PIAS2: variants seen among roughly 807,000 people sequenced by gnomAD.
The protein encoded by PIAS2 is E3 SUMO-protein ligase PIAS2.
A neutral mutation model predicts 69.7 loss-of-function variants in PIAS2; 19 were observed. The ratio of observed to expected loss-of-function variants is 0.27; its 90% CI spans 0.19 to 0.40. The LOEUF (loss-of-function observed/expected upper bound fraction) is 0.40, where lower values mean the gene tolerates loss of function less well. Among genes scored for constraint, PIAS2 ranks in the 10% least tolerant of loss-of-function variants. The pLI is 1.00. For missense variants in PIAS2, 624 were observed against 757.0 expected (o/e 0.82, Z 2.06); for synonymous variants, 261 against 263.2 (o/e 0.99, Z 0.08).
intron 1 of PIAS2, among the ~76,000 whole-genome samples, chr18:46,894,456 T>C (rs1339006435): frequency 1.3e-5 from 2 of 152,154 alleles, no homozygotes; most frequent in African/African-American, 4.8e-5. Context: ...TCTAATTTTT[T>C]CCAAGCGGTT....
intron 13 of PIAS2, among the ~76,000 whole-genome samples, chr18:46,813,240 G>A (rs1310354588): frequency 2.6e-5 from 4 of 152,088 alleles, no homozygotes; most frequent in Non-Finnish European, 5.9e-5. Flanking sequence ...TAATCACCAA[G>A]TTTTGCAATA....
At chr18:46,875,792 C>A in intron 2 of PIAS2, among the ~76,000 whole-genome samples, 1 of 152,274 alleles carries the variant, frequency 6.6e-6, no homozygotes, top group East Asian at 1.9e-4. Flanking sequence ...TTGTGCGCAC[C>A]GCAGGCCAGA....
chr18:46,899,116 C>A (rs963827236), intron 1 of PIAS2, among the ~76,000 whole-genome samples: 7 of 151,270 alleles, frequency 4.6e-5, no homozygotes, highest in Non-Finnish European at 7.4e-5. Context: ...AAAATTCCAA[C>A]GACTGGTTAA....
rs1201898434 is a variant in PIAS2, at chr18:46,811,496, C to G, written c.*937G>C. ...TTTTGTTATTACCACCTCCCAAAAT[C>G]TGCTCTTCTGCTGGCTCCAAGATAT... On this transcript the variant is annotated 3_prime_UTR_variant, in exon 14 of 14. Coordinates refer to ENST00000585916, the MANE Select transcript of PIAS2 (RefSeq NM_004671.5). 1 of 152,142 alleles carries G rather than the reference C, an allele frequency of 6.6e-6. No homozygotes were observed. The highest frequency in any genetic ancestry group is 1.5e-5 in the Non-Finnish European group (1 of 68,028). The allele number at this position is 152,142 out of a possible 1,614,324, so 9.4% of individuals were successfully genotyped here.
chr18:46,822,830 T>A (rs980422398), intron 11 of PIAS2, among the ~76,000 whole-genome samples: 2 of 152,206 alleles, frequency 1.3e-5, no homozygotes, highest in Non-Finnish European at 2.9e-5. Context: ...GGTCTGATTA[T>A]TCTGGCTGTC....
intron 1 of PIAS2, among the ~76,000 whole-genome samples, chr18:46,907,286 A>G (rs1734043631): frequency 6.6e-6 from 1 of 152,248 alleles, no homozygotes; most frequent in African/African-American, 2.4e-5. Flanking sequence ...GCCACTTTAC[A>G]AAAGAAACCC....
intron 10 of PIAS2, among the ~76,000 whole-genome samples, chr18:46,828,946 G>A (rs949380372): frequency 6.6e-6 from 1 of 152,204 alleles, no homozygotes; most frequent in African/African-American, 2.4e-5. Flanking sequence ...CTCAGGTTTA[G>A]TGTCAATCGC....
chr18:46,833,475 T>C (rs548196416), intron 9 of PIAS2, among the ~76,000 whole-genome samples: 3 of 152,290 alleles, frequency 2.0e-5, no homozygotes, highest in East Asian at 1.9e-4. Context: ...CATAGGTATA[T>C]AATAAGTCAA....
chr18:46,827,112 T>C (rs953623543), intron 11 of PIAS2: 2 of 152,174 alleles, frequency 1.3e-5, no homozygotes, highest in African/African-American at 2.4e-5. Context: ...GTACATTTTA[T>C]GCTATGTAAA....
In PIAS2 at chr18:46,812,585, G is replaced by A; in HGVS notation, c.1714C>T (p.Leu572Phe). Residue 572 changes from leucine to phenylalanine, a missense_variant, in exon 14 of 14, where the codon CTC becomes TTC. Leu to Phe is a conservative substitution (Grantham distance 22). Around this residue, in one of 3 missense-constraint regions of PIAS2, gnomAD observed 241 missense variants for 257.3 expected, o/e 0.94. Coordinates refer to ENST00000585916, the MANE Select transcript of PIAS2 (RefSeq NM_004671.5). ...QYCPPMFLDS[L>F]TSPLTASSTS... ...CTGCTTGCTGTTAAGGGTGAGGTGAGACTATCCAAAAACATAGGAGGACAG... is the reference window on the plus strand; with the variant it reads ...CTGCTTGCTGTTAAGGGTGAGGTGAAACTATCCAAAAACATAGGAGGACAG... 1 of 1,612,930 alleles carries A rather than the reference G, an allele frequency of 6.2e-7. No homozygotes were observed. The highest frequency in any genetic ancestry group is 1.3e-5 in the African/African-American group (1 of 74,960).
At chr18:46,905,184 C>G (rs937880939) in intron 1 of PIAS2, among the ~76,000 whole-genome samples, 3 of 152,128 alleles carry the variant, frequency 2.0e-5, no homozygotes, top group African/African-American at 7.2e-5. Context: ...GCATCACACT[C>G]AAACAGGCTG....
At chr18:46,854,819 T>C (rs2047501050) in intron 5 of PIAS2, among the ~76,000 whole-genome samples, 1 of 152,086 alleles carries the variant, frequency 6.6e-6, no homozygotes, top group African/African-American at 2.4e-5. Context: ...AGCCTCTGCT[T>C]TTCCCCATGC....
chr18:46,850,558 G>A (rs1231637453), intron 5 of PIAS2, among the ~76,000 whole-genome samples: 1 of 151,900 alleles, frequency 6.6e-6, no homozygotes, highest in Non-Finnish European at 1.5e-5. Flanking sequence ...TTAAACTTGG[G>A]GTAAAAATTT....
chr18:46,855,710 A>AT, intron 3 of PIAS2, 95 bp from the exon 4 acceptor site: 1 of 905,708 alleles, frequency 1.1e-6, no homozygotes, highest in Non-Finnish European at 1.8e-6. Flanking sequence ...CATTATTTGT[A>AT]TTTTTCTTAT....
At chr18:46,874,902 G>A (rs929362932) in intron 2 of PIAS2, among the ~76,000 whole-genome samples, 3 of 152,128 alleles carry the variant, frequency 2.0e-5, no homozygotes, top group African/African-American at 4.8e-5. Flanking sequence ...CCTATCTAGT[G>A]CTTCTAACTA....
chr18:46,824,938 T>C (rs1013566460), intron 11 of PIAS2, among the ~76,000 whole-genome samples: 4 of 150,882 alleles, frequency 2.7e-5, no homozygotes, highest in Non-Finnish European at 5.9e-5. Flanking sequence ...AGGTCAAGAC[T>C]GCAGTGAGCC....
Position 46,917,405 on chromosome 18 carries a change from C to T in PIAS2, c.-60G>A, listed in dbSNP as rs1262970936. 6 of 1,406,334 alleles carry T rather than the reference C, an allele frequency of 4.3e-6. No homozygotes were observed. The Admixed American group carries it at 1.6e-4, about 38-fold the overall frequency. The allele number at this position is 1,406,334 out of a possible 1,614,324, so 87.1% of individuals were successfully genotyped here. A position where few individuals can be genotyped will look rare whatever the true frequency, so the allele number is the denominator to read the frequency against. On this transcript the variant is annotated 5_prime_UTR_variant, in exon 1 of 14. Transcript: ENST00000585916. Reference sequence around the variant, plus strand: ...CCGCACCCACTCCCGCTGCCGCCAACGACGCTGCCGCCACCACGGCCGCCG... The same window carrying T: ...CCGCACCCACTCCCGCTGCCGCCAATGACGCTGCCGCCACCACGGCCGCCG...
At chr18:46,920,081 T>G, upstream of PIAS2, 1 of 1,289,754 alleles carries the variant, frequency 7.8e-7, no homozygotes, top group Non-Finnish European at 1.0e-6. Flanking sequence ...TTGTAGTTGC[T>G]TCCCAGCATT....
Position 46,891,794 on chromosome 18 carries a change from C to T in PIAS2, c.25-740G>A, listed in dbSNP as rs553250988. On this transcript the variant is annotated intron_variant, in intron 1 of 13. Transcript: ENST00000585916. ...ACTACTCTACTGGCTTGTGCTTGGG[C>T]GTAAAACAAAGGTTATAAGCAGTTG... 25 of 183,610 alleles carry T rather than the reference C, an allele frequency of 1.4e-4. No homozygotes were observed. The East Asian group carries it at 2.6e-3, about 19-fold the overall frequency. The allele number at this position is 183,610 out of a possible 1,614,324, so 11.4% of individuals were successfully genotyped here.
Sources: gnomAD v4.1 joint callset for allele counts (sites outside exome capture counted in the v4.1 genomes callset) on GRCh38, gnomAD v4.1.1 for gene constraint, gnomAD v4.1.1 regional missense constraint, MANE v1.5 for transcripts, NCBI Gene and HGNC (gene_info 2026-07-23, HGNC 2026-07-21) for gene names.